The following ATXN1 variants were observed in gnomAD, a reference collection of about 807,000 sequenced individuals.
ATXN1 encodes the protein ataxin-1.
ATXN1 carries 8 observed loss-of-function variants against 56.4 expected under a neutral mutation model. The observed-to-expected ratio is 0.14, with a 90% confidence interval of 0.08 to 0.26. The LOEUF is 0.26. Ranked by LOEUF, ATXN1 falls within the 10% of genes least tolerant of loss-of-function variation. The pLI is 1.00. For missense variants in ATXN1, 987 were observed against 1,106.5 expected (o/e 0.89, Z 1.53); for synonymous variants, 514 against 494.6 (o/e 1.04, Z -0.52).
intron 3 of ATXN1, among the ~76,000 whole-genome samples, chr6:16,626,005 T>C (rs551507400): frequency 6.6e-6 from 1 of 152,268 alleles, no homozygotes; most frequent in African/African-American, 2.4e-5. Flanking sequence ...GTACTTCCTG[T>C]TTCATAACAG....
rs370802800 is a variant in ATXN1 at position 16,654,926 on chromosome 6, GA to G, written c.-489+2849del. Among the ~76,000 whole-genome samples, 1,282 of 151,080 alleles carry G rather than the reference GA, an allele frequency of 8.5e-3. 17 individuals are homozygous for G. Among genetic ancestry groups the G allele is most frequent in the African/African-American group, 0.028 (1,149 of 41,214 alleles). ...ACTTCATAATTTAATATTTGTAAGA[GA>G]AAAAAAAATGCTGTTATGAAACCCC... On this transcript the variant is annotated intron_variant, in intron 3 of 7. Coordinates refer to ENST00000436367, the MANE Select transcript of ATXN1 (RefSeq NM_001128164.2).
At chr6:16,310,070 TAA>T (rs138431014) in intron 7 of ATXN1, among the ~76,000 whole-genome samples, 18 of 139,308 alleles carry the variant, frequency 1.3e-4, no homozygotes, top group African/African-American at 4.5e-4. Context: ...GAAACTCCAT[TAA>T]AAAAAAAAAG....
chr6:16,408,810 A>G (rs1302409455), intron 6 of ATXN1, among the ~76,000 whole-genome samples: 2 of 152,154 alleles, frequency 1.3e-5, no homozygotes, highest in Non-Finnish European at 2.9e-5. Flanking sequence ...GCATGTTCTT[A>G]GCTCACTGCA....
intron 2 of ATXN1, among the ~76,000 whole-genome samples, chr6:16,727,780 T>C (rs557454149): frequency 1.6e-4 from 25 of 152,318 alleles, no homozygotes; most frequent in African/African-American, 5.8e-4. Flanking sequence ...TGTCCACAAA[T>C]TCGGACTATA....
At chr6:16,503,783 T>C (rs893924706) in intron 5 of ATXN1, among the ~76,000 whole-genome samples, 4 of 152,192 alleles carry the variant, frequency 2.6e-5, no homozygotes, top group African/African-American at 7.2e-5. Context: ...GAAAAATATT[T>C]ATGTAAATAT....
intron 3 of ATXN1, among the ~76,000 whole-genome samples, chr6:16,612,708 T>C (rs1561778556): frequency 6.7e-6 from 1 of 149,166 alleles, no homozygotes; most frequent in Non-Finnish European, 1.5e-5. Flanking sequence ...CTGGCCAACA[T>C]GGCAAAACTC....
chr6:16,655,043 T>C (rs556780033), intron 3 of ATXN1, among the ~76,000 whole-genome samples: 1 of 152,252 alleles, frequency 6.6e-6, no homozygotes, highest in Non-Finnish European at 1.5e-5. Flanking sequence ...AAAGGGGATG[T>C]TTAGTAAGAA....
chr6:16,561,015 G>GTAAT (rs1330533842), intron 4 of ATXN1, among the ~76,000 whole-genome samples: 5 of 152,152 alleles, frequency 3.3e-5, no homozygotes, highest in African/African-American at 1.2e-4. Context: ...ATGGGAGTGA[G>GTAAT]TAATTAGTGT....
chr6:16,378,143 AT>A (rs1167319698), intron 6 of ATXN1, among the ~76,000 whole-genome samples: 1 of 152,172 alleles, frequency 6.6e-6, no homozygotes, highest in African/African-American at 2.4e-5. Flanking sequence ...AGGTGGCCTT[AT>A]TCTTCAAAGC....
chr6:16,604,368 C>T lies in ATXN1; in HGVS notation c.-488-18461G>A, dbSNP rs113772107. Among the ~76,000 whole-genome samples, 5 of 150,298 alleles carry T rather than the reference C, an allele frequency of 3.3e-5. 1 individual carries two copies. The highest frequency in any genetic ancestry group is 1.2e-4 in the African/African-American group (5 of 40,860). On this transcript the variant is annotated intron_variant, in intron 3 of 7. Transcript: ENST00000436367. ...AAAAATTATCGTGGCACGTGGTGCA[C>T]ATCTATAGTTCCAGCTACTCAACTG...
intron 6 of ATXN1, among the ~76,000 whole-genome samples, chr6:16,425,540 C>T (rs1367474412): frequency 2.0e-5 from 3 of 152,202 alleles, no homozygotes; most frequent in African/African-American, 7.2e-5. Context: ...ATTACTTTGT[C>T]CTTCAAAACA....
At chr6:16,661,616 GCAAA>G (rs1758322522) in intron 2 of ATXN1, among the ~76,000 whole-genome samples, 1 of 152,196 alleles carries the variant, frequency 6.6e-6, no homozygotes, top group Admixed American at 6.5e-5. Flanking sequence ...CTCAATTCTA[GCAAA>G]CAGACTGTGG....
chr6:16,436,566 A>G (rs1487862349), intron 6 of ATXN1, among the ~76,000 whole-genome samples: 2 of 152,112 alleles, frequency 1.3e-5, no homozygotes, highest in Non-Finnish European at 2.9e-5. Flanking sequence ...GGGAAATAGA[A>G]AGCAATGTGG....
chr6:16,577,578 G>A (rs1762448559), intron 4 of ATXN1, among the ~76,000 whole-genome samples: 1 of 151,132 alleles, frequency 6.6e-6, no homozygotes, highest in South Asian at 2.1e-4. Flanking sequence ...TTAACAGAGA[G>A]TGGACAATTC....
At chr6:16,747,184 T>C (rs1479264712) in intron 2 of ATXN1, among the ~76,000 whole-genome samples, 3 of 152,220 alleles carry the variant, frequency 2.0e-5, no homozygotes, top group Non-Finnish European at 4.4e-5. Context: ...AGAAGCCTGG[T>C]TTTGATTTCT....
At position 16,543,632 on chromosome 6, in the gene ATXN1, T is replaced by TAAAA. The variant is rs566914364; in HGVS notation, c.-360-20948_-360-20945dup. On this transcript the variant is annotated intron_variant, in intron 4 of 7. Coordinates refer to ENST00000436367, the MANE Select transcript of ATXN1 (RefSeq NM_001128164.2). ...ACCACTACCATTTCAGCTATTTTCC[T>TAAAA]AAAAAAAAAAAAAAAAAAAAAGAGA... is the stretch of plus-strand genomic sequence containing the variant. 1.7e-3 allele frequency among the ~76,000 whole-genome samples: 184 copies of TAAAA among 106,328 alleles called. 2 individuals are homozygous for TAAAA. In the South Asian group the frequency reaches 0.022, roughly 13 times the overall value. 69.8% of individuals were successfully genotyped at this position (106,328 alleles called of 152,430 possible). A position where few individuals can be genotyped will look rare whatever the true frequency, so the allele number is the denominator to read the frequency against.
intron 6 of ATXN1, among the ~76,000 whole-genome samples, chr6:16,484,953 GT>G (rs1760512690): frequency 5.9e-5 from 6 of 101,642 alleles, no homozygotes; most frequent in African/African-American, 1.8e-4. Flanking sequence ...ATATATGTGT[GT>G]GTGTGTGTGT....
chr6:16,396,451 GAA>G (rs1758461556), intron 6 of ATXN1, among the ~76,000 whole-genome samples: 2 of 151,976 alleles, frequency 1.3e-5, no homozygotes, highest in Non-Finnish European at 2.9e-5. Flanking sequence ...TATAAAGAAA[GAA>G]AATATTCTTG....
At chr6:16,421,985 C>T (rs1258907589) in intron 6 of ATXN1, among the ~76,000 whole-genome samples, 1 of 152,178 alleles carries the variant, frequency 6.6e-6, no homozygotes, top group East Asian at 1.9e-4. Flanking sequence ...ATGCCAATCC[C>T]AGGACCTGGT....
Sources: gnomAD v4.1 joint callset for allele counts (sites outside exome capture counted in the v4.1 genomes callset) on GRCh38, gnomAD v4.1.1 for gene constraint, MANE v1.5 for transcripts, NCBI Gene and HGNC (gene_info 2026-07-23, HGNC 2026-07-21) for gene names.